SYCP2: variants seen among roughly 807,000 people sequenced by gnomAD.
The protein encoded by SYCP2 is synaptonemal complex protein 2.
In SYCP2, 55 loss-of-function variants were observed where a neutral mutation model predicts 211.3. The observed-to-expected ratio is 0.26, with a 90% CI of 0.21 to 0.33. SYCP2 has a LOEUF of 0.33. SYCP2 is among the 10% of genes least tolerant of loss of function. The pLI is 1.00. For synonymous variants in SYCP2, 570 were observed against 555.2 expected (o/e 1.03, Z -0.37); for missense variants, 1,731 against 1,752.0 (o/e 0.99, Z 0.21).
At position 59,874,976 on chromosome 20, in the gene SYCP2, CATTAAA is replaced by C. The variant is rs1044141054; in HGVS notation, c.3349+289_3349+294del. Among the ~76,000 whole-genome samples the C allele has an allele frequency of 7.2e-3, 1,088 of 151,926 alleles. 16 individuals carry two copies. Among genetic ancestry groups the C allele is most frequent in the African/African-American group, 0.025 (1,024 of 41,480 alleles). ...ATATATATTGAGCTAAAAAAAAGCACATTAAAATTAAGTACTTTTTTAAGATTAAGT... is the reference window on the plus strand; with the variant it reads ...ATATATATTGAGCTAAAAAAAAGCACATTAAGTACTTTTTTAAGATTAAGT... On this transcript the variant is annotated intron_variant, in intron 34 of 44. Coordinates refer to ENST00000357552, the MANE Select transcript of SYCP2 (RefSeq NM_014258.4).
intron 18 of SYCP2, among the ~76,000 whole-genome samples, chr20:59,897,161 A>G (rs1229517937): frequency 6.6e-6 from 1 of 152,154 alleles, no homozygotes; most frequent in Non-Finnish European, 1.5e-5. Flanking sequence ...AGGATGCCAT[A>G]TTAAGAAGTA....
At chr20:59,919,665 G>A in intron 5 of SYCP2, 68 bp from the exon 6 acceptor site, 1 of 952,810 alleles carries the variant, frequency 1.0e-6, no homozygotes, top group Non-Finnish European at 1.6e-6. Flanking sequence ...ATCTATCTTT[G>A]CATAAACAGT....
rs560452265 is a variant in SYCP2, at chr20:59,898,562, G to A, written c.1404+1576C>T. On this transcript the variant is annotated intron_variant, in intron 18 of 44. Coordinates refer to ENST00000357552, the MANE Select transcript of SYCP2 (RefSeq NM_014258.4). ...AACATCACACACTGGGACCTGTTGCGGGGTGGGGGCCTAGGGGAGGGATAA... is the reference window on the plus strand; with the variant it reads ...AACATCACACACTGGGACCTGTTGCAGGGTGGGGGCCTAGGGGAGGGATAA... Among the ~76,000 whole-genome samples the A allele has an allele frequency of 3.2e-4, 49 of 152,244 alleles. No homozygotes were observed. The South Asian group carries it at 3.5e-3, about 11-fold the overall frequency.
chr20:59,903,085 C>G (rs964888131), intron 15 of SYCP2, among the ~76,000 whole-genome samples: 1 of 151,990 alleles, frequency 6.6e-6, no homozygotes, highest in Non-Finnish European at 1.5e-5. Flanking sequence ...TTGCTGAATG[C>G]TTTGTGCCTA....
chr20:59,881,880 T>C, intron 28 of SYCP2, 65 bp downstream of exon 28: 1 of 1,292,486 alleles, frequency 7.7e-7, no homozygotes, highest in East Asian at 2.3e-5. Context: ...TTCTATGTAA[T>C]AACTGCATGG....
At position 59,919,661 on chromosome 20, in the gene SYCP2, C is replaced by G. The variant is rs1369360942; in HGVS notation, c.298-64G>C. The stretch of plus-strand genomic sequence containing the variant: ...TAATTTTAAGAATGTACTTATCTAT[C>G]TTTGCATAAACAGTAAACCTAGGAA... On this transcript the variant is annotated intron_variant, in intron 5 of 44. Coordinates refer to ENST00000357552, the MANE Select transcript of SYCP2 (RefSeq NM_014258.4). 3.8e-6 allele frequency: 4 copies of G among 1,040,662 alleles called. No individual in the cohort carries two copies. In the South Asian group the frequency reaches 4.4e-5, roughly 11 times the overall value. The allele number at this position is 1,040,662 out of a possible 1,614,324, so 64.5% of individuals were successfully genotyped here. A position where few individuals can be genotyped will look rare whatever the true frequency, so the allele number is the denominator to read the frequency against.
At chr20:59,904,456 A>G in intron 15 of SYCP2, among the ~76,000 whole-genome samples, 1 of 152,152 alleles carries the variant, frequency 6.6e-6, no homozygotes, top group East Asian at 1.9e-4. Context: ...AAACAAGACA[A>G]AGAGTAAATT....
intron 9 of SYCP2, 32 bp from the exon 10 acceptor site, chr20:59,915,231 AC>A: frequency 6.8e-7 from 1 of 1,468,242 alleles, no homozygotes; most frequent in Middle Eastern, 1.8e-4. Flanking sequence ...TACAAAATAG[AC>A]CAGTATCAAT....
intron 1 of SYCP2, 185 bp downstream of exon 1, chr20:59,933,384 T>TCG (rs1271690452): frequency 6.6e-6 from 1 of 150,914 alleles, no homozygotes. Flanking sequence ...TGGCCCAGCC[T>TCG]CGGCGCCTCC....
chr20:59,915,137 A>G (rs1183883508), intron 10 of SYCP2, 28 bp downstream of exon 10: 2 of 1,422,492 alleles, frequency 1.4e-6, no homozygotes, highest in East Asian at 4.6e-5. Context: ...ATATGGAATA[A>G]TTTTAGATTT....
At chr20:59,893,238 A>G (rs2059942412) in intron 21 of SYCP2, 39 bp from the exon 22 acceptor site, 3 of 1,404,906 alleles carry the variant, frequency 2.1e-6, no homozygotes, top group African/African-American at 1.4e-5. Flanking sequence ...CATTTTTTTC[A>G]TGCAGTTGGC....
At chr20:59,914,876 AATTAAGCTATTAT>A (rs1274274203) in intron 10 of SYCP2, among the ~76,000 whole-genome samples, 3 of 151,942 alleles carry the variant, frequency 2.0e-5, no homozygotes, top group Non-Finnish European at 4.4e-5. Context: ...AAGCTTTATT[AATTAAGCTATTAT>A]ATTAAGCTAT....
At chr20:59,895,271 A>C in intron 20 of SYCP2, among the ~76,000 whole-genome samples, 166 bp downstream of exon 20, 1 of 152,136 alleles carries the variant, frequency 6.6e-6, no homozygotes, top group East Asian at 1.9e-4. Flanking sequence ...TAAATGAGTC[A>C]TATGCCAGAA....
At chr20:59,864,825 G>A (rs1279775607) in intron 44 of SYCP2, among the ~76,000 whole-genome samples, 2 of 151,962 alleles carry the variant, frequency 1.3e-5, no homozygotes, top group Non-Finnish European at 2.9e-5. Context: ...ACAAAGATCA[G>A]TGTACTTAAA....
intron 38 of SYCP2, 88 bp from the exon 39 acceptor site, chr20:59,867,935 A>AT (rs2059382934): frequency 1.1e-6 from 1 of 946,128 alleles, no homozygotes. Context: ...AATCTATCTT[A>AT]TTTTCCGAAT....
In SYCP2 at chr20:59,877,564, G is replaced by T. The variant is rs781572129; in HGVS notation, c.2980-9C>A. 6.3e-7 allele frequency: 1 copy of T among 1,576,388 alleles called. No homozygotes were observed. The highest frequency in any genetic ancestry group is 2.3e-5 in the East Asian group (1 of 43,778). Reference sequence around the variant, plus strand: ...ATATTTTTACTGGGTGTCTTTAGGAGAAAAATTCCTGAATATTAGATCAAT... The same window carrying T: ...ATATTTTTACTGGGTGTCTTTAGGATAAAAATTCCTGAATATTAGATCAAT... On this transcript the variant is annotated splice_polypyrimidine_tract_variant and intron_variant, in intron 32 of 44. Transcript: ENST00000357552.
In SYCP2 at chr20:59,864,294, G is replaced by C. The variant is rs1216101309; in HGVS notation, c.*17C>G. 3.3e-6 allele frequency: 5 copies of C among 1,520,042 alleles called. No homozygotes were observed. In the East Asian group the frequency reaches 9.1e-5, roughly 28 times the overall value. The allele number at this position is 1,520,042 out of a possible 1,614,324, so 94.2% of individuals were successfully genotyped here. ...GAGAATAATAATTAGATAAAGTATG[G>C]TGATAAAAACTAGATTTCACACATT... On this transcript the variant is annotated 3_prime_UTR_variant, in exon 45 of 45. Transcript: ENST00000357552.
intron 32 of SYCP2, 94 bp from the exon 33 acceptor site, chr20:59,877,649 CATAAA>C: frequency 2.0e-6 from 2 of 1,002,162 alleles, no homozygotes; most frequent in East Asian, 2.5e-5. Flanking sequence ...ACAAGTTTTA[CATAAA>C]ATATTTGTAA....
chr20:59,902,858 T>G (rs1214493886), intron 15 of SYCP2, among the ~76,000 whole-genome samples: 2 of 152,154 alleles, frequency 1.3e-5, no homozygotes, highest in Non-Finnish European at 2.9e-5. Context: ...TTTTCAGGTT[T>G]CAGAGATGCA....
Sources: allele counts gnomAD v4.1 joint callset (sites outside exome capture counted in the v4.1 genomes callset), GRCh38; gene constraint gnomAD v4.1.1; transcripts MANE v1.5; gene names NCBI Gene and HGNC (gene_info 2026-07-23, HGNC 2026-07-21).